Variants in CALU observed in about 807,000 individuals in gnomAD.
The protein encoded by CALU is IEF SSP 9302.
A neutral mutation model predicts 37.5 loss-of-function variants in CALU; 13 were observed. The ratio of observed to expected loss-of-function variants is 0.35; its 90% CI spans 0.23 to 0.55. The LOEUF is 0.55. Among genes scored for constraint, CALU ranks in the 20% least tolerant of loss-of-function variants. The pLI, the probability that CALU is intolerant of heterozygous loss-of-function variation, is 0.89. For synonymous variants in CALU, 114 were observed against 133.8 expected, an observed-to-expected ratio of 0.85 and a Z score of 1.02; for missense variants, 282 against 391.7, an observed-to-expected ratio of 0.72 and a Z score of 2.36.
intron 3 of CALU, among the ~76,000 whole-genome samples, chr7:128,758,456 G>A (rs746581671): frequency 5.3e-5 from 8 of 152,074 alleles, no homozygotes; most frequent in Non-Finnish European, 8.8e-5. Context: ...CTATGAAGCC[G>A]GCACCATTGC....
chr7:128,767,729 G>A, intron 6 of CALU, 74 bp downstream of exon 6: 2 of 1,248,682 alleles, frequency 1.6e-6, no homozygotes, highest in Non-Finnish European at 2.3e-6. Flanking sequence ...AACAGTTTCT[G>A]TTAAGGTGCA....
intron 3 of CALU, among the ~76,000 whole-genome samples, chr7:128,755,309 C>CAAA (rs59208090): frequency 0.01 from 521 of 51,330 alleles, 21 homozygotes; most frequent in East Asian, 0.054. Context: ...GAGCTCTGTC[C>CAAA]AAAAAAAAAA....
chr7:128,758,328 A>T (rs1800972003), intron 3 of CALU, among the ~76,000 whole-genome samples: 1 of 152,194 alleles, frequency 6.6e-6, no homozygotes, highest in Non-Finnish European at 1.5e-5. Context: ...TATCTTTTTA[A>T]TGAGATCCTA....
chr7:128,767,338 T>G, intron 5 of CALU, 118 bp from the exon 6 acceptor site: 1 of 766,448 alleles, frequency 1.3e-6, no homozygotes. Flanking sequence ...AAAATACCCT[T>G]GTAGCTGCTG....
rs866649019 is a variant in CALU at position 128,771,251 on chromosome 7, T to C, written c.*2084T>C. The C allele has an allele frequency of 4.1e-4, 62 of 152,646 alleles. No homozygotes were observed. The highest frequency in any genetic ancestry group is 1.4e-3 in the African/African-American group (56 of 41,456). The allele number at this position is 152,646 out of a possible 1,614,324, so 9.5% of individuals were successfully genotyped here. On this transcript the variant is annotated 3_prime_UTR_variant, in exon 7 of 7. Coordinates refer to ENST00000249364, the MANE Select transcript of CALU (RefSeq NM_001219.5). The stretch of plus-strand genomic sequence containing the variant: ...TCTGCAAAGACAGCAGCAAGCATTA[T>C]ACGGTCATCTTGAATGATCCCTTTG...
At chr7:128,760,933 G>A (rs1369243694) in intron 5 of CALU, among the ~76,000 whole-genome samples, 2 of 152,058 alleles carry the variant, frequency 1.3e-5, no homozygotes, top group Non-Finnish European at 2.9e-5. Context: ...AAAAAGAGTT[G>A]CAGGGAGCCC....
At chr7:128,760,527 A>G (rs890925750) in intron 5 of CALU, among the ~76,000 whole-genome samples, 4 of 152,190 alleles carry the variant, frequency 2.6e-5, no homozygotes, top group African/African-American at 9.6e-5. Context: ...TCCCAGCCAC[A>G]TTTCAAGTGC....
At chr7:128,764,160 G>C (rs1222486278) in intron 5 of CALU, among the ~76,000 whole-genome samples, 1 of 152,130 alleles carries the variant, frequency 6.6e-6, no homozygotes, top group Non-Finnish European at 1.5e-5. Flanking sequence ...GGATGCCGTA[G>C]CTCATTCCTG....
At chr7:128,759,963 A>C (rs1801040520) in intron 5 of CALU, 111 bp downstream of exon 5, 1 of 656,220 alleles carries the variant, frequency 1.5e-6, no homozygotes, top group African/African-American at 1.8e-5. Context: ...TGGGAGGCCG[A>C]GGCGGGCAGA....
At position 128,769,285 on chromosome 7, in the gene CALU, G is replaced by A. The variant is rs888316205; in HGVS notation, c.*118G>A. On this transcript the variant is annotated 3_prime_UTR_variant, in exon 7 of 7. Coordinates refer to ENST00000249364, the MANE Select transcript of CALU (RefSeq NM_001219.5). ...CAAACTTTTTAAGACATGAAAAGGC[G>A]TAATGAAAACCATCCCGTCCCCATT... 2.0e-5 allele frequency: 12 copies of A among 596,894 alleles called. No individual in the cohort carries two copies. The highest frequency in any genetic ancestry group is 3.0e-5 in the Non-Finnish European group (10 of 338,968). 37.0% of individuals were successfully genotyped at this position (596,894 alleles called of 1,614,324 possible).
chr7:128,772,534 G>A lies in CALU; in HGVS notation c.*3367G>A. The A allele has an allele frequency of 2.1e-5, 34 of 1,614,090 alleles. No homozygotes were observed. The highest frequency in any genetic ancestry group is 2.9e-5 in the Non-Finnish European group (34 of 1,179,992). On this transcript the variant is annotated 3_prime_UTR_variant, in exon 7 of 7. Transcript: ENST00000249364. ...TAGCTGTTGCAAACAGGCCAATATT[G>A]GGTCCTCAGTTGGGGCCAACTTGGG...
At chr7:128,752,885 A>G (rs1158474347) in intron 2 of CALU, among the ~76,000 whole-genome samples, 1 of 152,146 alleles carries the variant, frequency 6.6e-6, no homozygotes, top group Non-Finnish European at 1.5e-5. Context: ...GGGTTTCACC[A>G]TGTTGGCCAG....
At chr7:128,742,056 T>C (rs562285962) in intron 1 of CALU, among the ~76,000 whole-genome samples, 2 of 152,328 alleles carry the variant, frequency 1.3e-5, no homozygotes, top group Admixed American at 1.3e-4. Context: ...TTAGAATGTA[T>C]TGATGAACAG....
At chr7:128,741,934 A>AAATT (rs1270148522) in intron 1 of CALU, among the ~76,000 whole-genome samples, 3 of 152,212 alleles carry the variant, frequency 2.0e-5, no homozygotes. Context: ...AGAACTAATG[A>AAATT]AGCTTGAGTA....
rs896229526 is a variant in CALU at position 128,739,438 on chromosome 7, T to A, written c.-12+6T>A. 6.6e-6 allele frequency: 1 copy of A among 152,518 alleles called. No individual in the cohort carries two copies. Among genetic ancestry groups the A allele is most frequent in the Non-Finnish European group, 1.5e-5 (1 of 68,310 alleles). 9.4% of individuals were successfully genotyped at this position (152,518 alleles called of 1,614,324 possible). On this transcript the variant is annotated splice_donor_region_variant and intron_variant, in intron 1 of 6. Transcript: ENST00000249364. ...TGTGGGGGCTACGAGGAAAGGTAAG[T>A]ACGGTGATGCCCAGCCCCTTCACCA...
intron 1 of CALU, among the ~76,000 whole-genome samples, chr7:128,745,057 A>G (rs929455461): frequency 1.3e-5 from 2 of 152,234 alleles, no homozygotes; most frequent in African/African-American, 2.4e-5. Context: ...GTTAGAGTGC[A>G]TAAGTATTTA....
chr7:128,763,257 A>G (rs1168879785), intron 5 of CALU, among the ~76,000 whole-genome samples: 1 of 152,114 alleles, frequency 6.6e-6, no homozygotes, highest in African/African-American at 2.4e-5. Flanking sequence ...TCGGCCGAGC[A>G]TGGTGGCTCA....
In CALU at chr7:128,772,743, C is replaced by A. The variant is rs1467319715; in HGVS notation, c.*3576C>A. ...GACCTTATTCTCTGTATCACCAAAG[C>A]CTTGCACAATGCTTTGTACCCAGAA... On this transcript the variant is annotated 3_prime_UTR_variant, in exon 7 of 7. Transcript: ENST00000249364. The A allele has an allele frequency of 6.3e-7, 1 of 1,575,660 alleles. No individual in the cohort carries two copies. The highest frequency in any genetic ancestry group is 8.7e-7 in the Non-Finnish European group (1 of 1,146,628).
chr7:128,759,271 T>G (rs1052766213), intron 4 of CALU, among the ~76,000 whole-genome samples: 1 of 152,216 alleles, frequency 6.6e-6, no homozygotes, highest in Admixed American at 6.5e-5. Flanking sequence ...ATACCTTCTG[T>G]CATATAATGT....
Sources: allele counts gnomAD v4.1 joint callset (sites outside exome capture counted in the v4.1 genomes callset), GRCh38; gene constraint gnomAD v4.1.1; transcripts MANE v1.5; gene names NCBI Gene and HGNC (gene_info 2026-07-23, HGNC 2026-07-21).